SMOX: variants seen among roughly 807,000 people sequenced by gnomAD.
The protein encoded by SMOX is spermine oxidase.
A neutral mutation model predicts 51.0 loss-of-function variants in SMOX; 22 were observed. The observed-to-expected ratio is 0.43, with a 90% CI of 0.31 to 0.62. SMOX has a LOEUF of 0.62. Ranked by LOEUF, SMOX falls within the 20% of genes least tolerant of loss-of-function variation. The pLI is 0.10. For missense variants in SMOX, 566 were observed against 777.7 expected (o/e 0.73, Z 3.24); for synonymous variants, 282 against 307.8 (o/e 0.92, Z 0.88).
intron 1 of SMOX, among the ~76,000 whole-genome samples, chr20:4,158,729 G>A (rs1381092171): frequency 1.3e-5 from 2 of 151,986 alleles, no homozygotes; most frequent in Admixed American, 6.6e-5. Context: ...CATCTGTCTC[G>A]ATGCCCTTTC....
chr20:4,174,938 G>A, intron 1 of SMOX, 92 bp from the exon 2 acceptor site: 2 of 1,314,858 alleles, frequency 1.5e-6, no homozygotes, highest in Non-Finnish European at 2.1e-6. Flanking sequence ...CCACAACAGA[G>A]GGCAGAGTGT....
intron 1 of SMOX, among the ~76,000 whole-genome samples, chr20:4,164,978 G>T (rs6139340): frequency 6.6e-6 from 1 of 151,574 alleles, no homozygotes; most frequent in Non-Finnish European, 1.5e-5. Flanking sequence ...CCTGGGCTCA[G>T]GTGATCCTCC....
chr20:4,176,319 G>A (rs1600818021), intron 2 of SMOX, among the ~76,000 whole-genome samples: 1 of 152,130 alleles, frequency 6.6e-6, no homozygotes. Flanking sequence ...TTCCCCTACA[G>A]CATTTCCTGC....
rs1438132158 is a variant in SMOX, at chr20:4,175,055, T to A, written c.-1T>A. ...GTTCCTAGAAGGTGAGCGCGGACGG[T>A]ATGCAAAGTTGTGAATCCAGTGGTG... On this transcript the variant is annotated 5_prime_UTR_variant, in exon 2 of 7. Coordinates refer to ENST00000305958, the MANE Select transcript of SMOX (RefSeq NM_175839.3). 6.2e-7 allele frequency: 1 copy of A among 1,614,042 alleles called. No homozygotes were observed. Among genetic ancestry groups the A allele is most frequent in the East Asian group, 2.2e-5 (1 of 44,880 alleles).
At position 4,167,987 on chromosome 20, in the gene SMOX, T is replaced by C. The variant is rs1254947837; in HGVS notation, c.-26-7043T>C. ...TTTTACATTTGAAGAATAATTGCAT[T>C]GTCTGGGGGGCCTCAAGAATCCAAA... On this transcript the variant is annotated intron_variant, in intron 1 of 6. Coordinates refer to ENST00000305958, the MANE Select transcript of SMOX (RefSeq NM_175839.3). This position sits in a 1 kb window ranked among gnomAD's most constrained non-coding sequence, Gnocchi z 4.8. 6.6e-6 allele frequency among the ~76,000 whole-genome samples: 1 copy of C among 151,994 alleles called. No homozygotes were observed. Among genetic ancestry groups the C allele is most frequent in the East Asian group, 1.9e-4 (1 of 5,174 alleles).
chr20:4,166,110 A>AATCTGTTGTCAGAGTGTG lies in SMOX; in HGVS notation c.-26-8915_-26-8898dup. On this transcript the variant is annotated intron_variant, in intron 1 of 6. Coordinates refer to ENST00000305958, the MANE Select transcript of SMOX (RefSeq NM_175839.3). This position sits in a 1 kb window ranked among gnomAD's most constrained non-coding sequence, Gnocchi z 4.2. ...AGCAATTGTGCCTAGCGCCTGATCTAATCTGTTGTCAGAGTGTGATCTATT... is the reference window on the plus strand; with the variant it reads ...AGCAATTGTGCCTAGCGCCTGATCTAATCTGTTGTCAGAGTGTGATCTGTTGTCAGAGTGTGATCTATT... Among the ~76,000 whole-genome samples, 1 of 141,792 alleles carries AATCTGTTGTCAGAGTGTG rather than the reference A, an allele frequency of 7.1e-6. No homozygotes were observed. Among genetic ancestry groups the AATCTGTTGTCAGAGTGTG allele is most frequent in the African/African-American group, 2.6e-5 (1 of 38,318 alleles). The allele number at this position is 141,792 out of a possible 152,430, so 93.0% of individuals were successfully genotyped here.
At chr20:4,159,320 C>T (rs916664562) in intron 1 of SMOX, among the ~76,000 whole-genome samples, 5 of 152,120 alleles carry the variant, frequency 3.3e-5, no homozygotes, top group Non-Finnish European at 7.3e-5. Context: ...CTATGTTGGC[C>T]AGGCTGGTCT....
In SMOX at chr20:4,183,821, T is replaced by A. The variant is rs1020566159; in HGVS notation, c.1530+167T>A. On this transcript the variant is annotated intron_variant, in intron 6 of 6. Coordinates refer to ENST00000305958, the MANE Select transcript of SMOX (RefSeq NM_175839.3). The surrounding 1 kb of genome is among the most constrained non-coding windows in gnomAD (Gnocchi z 4.3). ...AGAACACAAGGAAAAAAGTGTGCAC[T>A]TAATATCTGGAAGAAAAAATGGAAT... 6.6e-6 allele frequency among the ~76,000 whole-genome samples: 1 copy of A among 152,106 alleles called. No homozygotes were observed. Among genetic ancestry groups the A allele is most frequent in the Non-Finnish European group, 1.5e-5 (1 of 68,014 alleles).
intron 1 of SMOX, among the ~76,000 whole-genome samples, chr20:4,158,760 A>G (rs1986158122): frequency 6.6e-6 from 1 of 151,938 alleles, no homozygotes; most frequent in Non-Finnish European, 1.5e-5. Context: ...TGGCTCTCTC[A>G]GAGCCTGTCC....
intron 3 of SMOX, among the ~76,000 whole-genome samples, chr20:4,180,659 C>G (rs1283609206): frequency 6.6e-6 from 1 of 152,220 alleles, no homozygotes; most frequent in Admixed American, 6.5e-5. Flanking sequence ...AGTCGGCTCT[C>G]AGATCCTCTC....
intron 3 of SMOX, among the ~76,000 whole-genome samples, chr20:4,179,629 A>G (rs1208118288): frequency 6.6e-6 from 1 of 152,208 alleles, no homozygotes; most frequent in Non-Finnish European, 1.5e-5. Context: ...AGTTTGTGCA[A>G]TAGTATCATC....
At chr20:4,163,295 T>A (rs1214865318) in intron 1 of SMOX, among the ~76,000 whole-genome samples, 1 of 152,138 alleles carries the variant, frequency 6.6e-6, no homozygotes, top group Non-Finnish European at 1.5e-5. Flanking sequence ...AATCTCCAGG[T>A]GAGTCTAATG....
rs1309344219 is a variant in SMOX at position 4,183,056 on chromosome 20, G to A, written c.1369+208G>A. ...ACTTGACACACTCAGAATTATGGGC[G>A]CTGTGTCTCTTCCCCCTTTCTAAAG... is the stretch of plus-strand genomic sequence containing the variant. On this transcript the variant is annotated intron_variant, in intron 5 of 6. Coordinates refer to ENST00000305958, the MANE Select transcript of SMOX (RefSeq NM_175839.3). This position sits in a 1 kb window ranked among gnomAD's most constrained non-coding sequence, Gnocchi z 4.3. Among the ~76,000 whole-genome samples the A allele has an allele frequency of 4.6e-5, 7 of 152,182 alleles. No homozygotes were observed.
intron 1 of SMOX, among the ~76,000 whole-genome samples, chr20:4,160,498 G>A (rs1196659653): frequency 6.6e-6 from 1 of 152,102 alleles, no homozygotes; most frequent in Non-Finnish European, 1.5e-5. Context: ...GAACCTCTTG[G>A]GGCCTGTTTC....
chr20:4,150,898 C>T (rs1985717774), intron 1 of SMOX, among the ~76,000 whole-genome samples: 1 of 135,996 alleles, frequency 7.4e-6, no homozygotes, highest in Admixed American at 8.8e-5. Flanking sequence ...ATGACGTGAT[C>T]TTGGCTCACC....
Position 4,151,875 on chromosome 20 carries a change from C to T in SMOX, c.-27+2898C>T, listed in dbSNP as rs111801815. ...AGTGCTGTATCTGGAGCATCTAGCA[C>T]AGTGCCTGGCATGTAGCTGATGCCC... is the stretch of plus-strand genomic sequence containing the variant. On this transcript the variant is annotated intron_variant, in intron 1 of 6. Transcript: ENST00000305958. 7.2e-5 allele frequency among the ~76,000 whole-genome samples: 11 copies of T among 152,332 alleles called. 2 individuals are homozygous for T. Among genetic ancestry groups the T allele is most frequent in the Admixed American group, 2.0e-4 (3 of 15,298 alleles).
Position 4,177,217 on chromosome 20 carries a change from G to A in SMOX, c.209-134G>A, listed in dbSNP as rs1307760765. On this transcript the variant is annotated intron_variant, in intron 2 of 6. Coordinates refer to ENST00000305958, the MANE Select transcript of SMOX (RefSeq NM_175839.3). This position sits in a 1 kb window ranked among gnomAD's most constrained non-coding sequence, Gnocchi z 4.3. ...CACTGAGGACCTTCGTTGGTTGCCA[G>A]CAGTGGAAGTTCAAGCTCTTTCCTG... 1 of 763,452 alleles carries A rather than the reference G, an allele frequency of 1.3e-6. No homozygotes were observed. Among genetic ancestry groups the A allele is most frequent in the African/African-American group, 1.8e-5 (1 of 56,538 alleles). 47.3% of individuals were successfully genotyped at this position (763,452 alleles called of 1,614,324 possible). A position where few individuals can be genotyped will look rare whatever the true frequency, so the allele number is the denominator to read the frequency against.
At chr20:4,152,213 C>G (rs1418921451) in intron 1 of SMOX, among the ~76,000 whole-genome samples, 2 of 152,110 alleles carry the variant, frequency 1.3e-5, no homozygotes, top group South Asian at 2.1e-4. Flanking sequence ...GAAATGCAAG[C>G]TGGGTCAGCA....
At position 4,175,129 on chromosome 20, in the gene SMOX, C is replaced by T; in HGVS notation, c.74C>T (p.Pro25Leu). 1.2e-6 allele frequency: 2 copies of T among 1,614,246 alleles called. No homozygotes were observed. Among genetic ancestry groups the T allele is most frequent in the African/African-American group, 1.3e-5 (1 of 75,064 alleles). ...CGCGGCCTACGGAGAAGGGGACAGC[C>T]TCGTGTGGTGGTGATCGGCGCCGGC... ...LSRGLRRRGQ[P>L]RVVVIGAGLA... The change falls in exon 2 of 7, where the codon CCT (proline) becomes CTT (leucine). Residue 25 changes from proline to leucine, a missense_variant. Around this residue, in one of 3 missense-constraint regions of SMOX, gnomAD observed 217 missense variants for 278.4 expected, o/e 0.78. Coordinates refer to ENST00000305958, the MANE Select transcript of SMOX (RefSeq NM_175839.3).
Sources: allele counts gnomAD v4.1 joint callset (sites outside exome capture counted in the v4.1 genomes callset), GRCh38; gene constraint gnomAD v4.1.1; regional missense constraint gnomAD v4.1.1; non-coding constraint Gnocchi (gnomAD v3.1); transcripts MANE v1.5; gene names NCBI Gene and HGNC (gene_info 2026-07-23, HGNC 2026-07-21).